Variants in CNOT6L observed in about 807,000 individuals in gnomAD.
The protein encoded by CNOT6L is CCR4-NOT transcription complex subunit 6 like.
Under a neutral mutation model 64.0 loss-of-function variants are expected in CNOT6L, and 7 were observed. The observed-to-expected ratio is 0.11, with a 90% CI of 0.06 to 0.21. The LOEUF is 0.21. Ranked by LOEUF, CNOT6L falls within the 10% of genes least tolerant of loss-of-function variation. The pLI, the probability that CNOT6L is intolerant of heterozygous loss-of-function variation, is 1.00. For synonymous variants in CNOT6L, 193 were observed against 243.4 expected, an observed-to-expected ratio of 0.79 and a Z score of 1.93; for missense variants, 245 against 669.0, an observed-to-expected ratio of 0.37 and a Z score of 6.99.
chr4:77,715,690 C>G lies in CNOT6L; in HGVS notation c.*4741G>C, dbSNP rs1720671322. The G allele has an allele frequency of 6.6e-6, 1 of 152,446 alleles. No homozygotes were observed. Among genetic ancestry groups the G allele is most frequent in the Non-Finnish European group, 1.5e-5 (1 of 67,964 alleles). 9.4% of individuals were successfully genotyped at this position (152,446 alleles called of 1,614,324 possible). ...TTCCTTACCACCTTCCTGGAAAGAA[C>G]TGCTTTTTTTTCTTTCTTTCTGTGA... On this transcript the variant is annotated 3_prime_UTR_variant, in exon 12 of 12. Coordinates refer to ENST00000504123, the MANE Select transcript of CNOT6L (RefSeq NM_144571.3).
In CNOT6L at chr4:77,720,657, G is replaced by A. The variant is rs1194047790; in HGVS notation, c.1456-14C>T. ...GTCAATCACGCCCTGGAAAGAGATT[G>A]GGAATAGGAAAAAAAGAAAAATTCA... is the stretch of plus-strand genomic sequence containing the variant. On this transcript the variant is annotated splice_polypyrimidine_tract_variant and intron_variant, in intron 11 of 11. Coordinates refer to ENST00000504123, the MANE Select transcript of CNOT6L (RefSeq NM_144571.3). 6.2e-7 allele frequency: 1 copy of A among 1,611,224 alleles called. No individual in the cohort carries two copies. Among genetic ancestry groups the A allele is most frequent in the South Asian group, 1.1e-5 (1 of 90,724 alleles).
intron 1 of CNOT6L, among the ~76,000 whole-genome samples, chr4:77,806,827 C>T (rs1053027767): frequency 4.6e-5 from 7 of 152,186 alleles, no homozygotes; most frequent in Non-Finnish European, 8.8e-5. Context: ...CTTTCCCACT[C>T]ACCACCACCC....
intron 1 of CNOT6L, among the ~76,000 whole-genome samples, chr4:77,807,276 C>CAAAAAAAAAAAAAAAAAAAAAAAAAAAAA (rs58452605): frequency 6.5e-5 from 7 of 108,188 alleles, no homozygotes; most frequent in African/African-American, 3.1e-4. Flanking sequence ...GACTCCATCT[C>CAAAAAAAAAAAAAAAAAAAAAAAAAAAAA]AAAAAAAAAA....
At chr4:77,736,856 G>A (rs1723002756) in intron 8 of CNOT6L, among the ~76,000 whole-genome samples, 1 of 151,778 alleles carries the variant, frequency 6.6e-6, no homozygotes, top group South Asian at 2.1e-4. Context: ...ATGGATAAAA[G>A]AACATATATT....
At chr4:77,764,987 T>A (rs1726664589) in intron 4 of CNOT6L, among the ~76,000 whole-genome samples, 1 of 152,140 alleles carries the variant, frequency 6.6e-6, no homozygotes, top group Non-Finnish European at 1.5e-5. Flanking sequence ...TGGGCTGCAT[T>A]TCAAGATGGT....
At chr4:77,772,697 C>G (rs959607225) in intron 4 of CNOT6L, among the ~76,000 whole-genome samples, 2 of 151,968 alleles carry the variant, frequency 1.3e-5, no homozygotes, top group African/African-American at 4.8e-5. Context: ...CCGAGGCCGG[C>G]GGATCACGAG....
intron 1 of CNOT6L, among the ~76,000 whole-genome samples, chr4:77,779,551 A>T (rs567939536): frequency 6.6e-6 from 1 of 152,226 alleles, no homozygotes; most frequent in East Asian, 1.9e-4. Context: ...CTTCCTTAAA[A>T]AAAAAAGCTC....
chr4:77,798,090 C>G (rs1560432349), intron 1 of CNOT6L, among the ~76,000 whole-genome samples: 1 of 152,052 alleles, frequency 6.6e-6, no homozygotes, highest in Non-Finnish European at 1.5e-5. Flanking sequence ...TTTTGGGAGG[C>G]CAAGGAAGGA....
chr4:77,779,117 G>C (rs981925456), intron 1 of CNOT6L, among the ~76,000 whole-genome samples: 2 of 148,520 alleles, frequency 1.3e-5, no homozygotes, highest in East Asian at 2.0e-4. Flanking sequence ...AATTTAATCT[G>C]TTTTAATCAC....
At chr4:77,722,793 G>A (rs17002797) in intron 11 of CNOT6L, among the ~76,000 whole-genome samples, 1 of 151,826 alleles carries the variant, frequency 6.6e-6, no homozygotes, top group Non-Finnish European at 1.5e-5. Context: ...CTATGAGGAG[G>A]ATCCCTAACT....
intron 5 of CNOT6L, among the ~76,000 whole-genome samples, chr4:77,755,781 A>C (rs999267837): frequency 3.3e-5 from 5 of 152,172 alleles, no homozygotes; most frequent in Non-Finnish European, 7.4e-5. Context: ...AATATAGCCA[A>C]AATGTCATCA....
At chr4:77,815,817 A>T (rs1009547175) in intron 1 of CNOT6L, among the ~76,000 whole-genome samples, 2 of 152,230 alleles carry the variant, frequency 1.3e-5, no homozygotes, top group Non-Finnish European at 2.9e-5. Flanking sequence ...CCTAAACAAC[A>T]TAAGAGGAAA....
intron 1 of CNOT6L, among the ~76,000 whole-genome samples, chr4:77,790,320 A>T (rs759060306): frequency 1.3e-5 from 2 of 152,212 alleles, no homozygotes; most frequent in Admixed American, 1.3e-4. Flanking sequence ...ACTGAAGGAC[A>T]TCTGGGTTGC....
At position 77,749,144 on chromosome 4, in the gene CNOT6L, T is replaced by C. The variant is rs372382550; in HGVS notation, c.491-760A>G. On this transcript the variant is annotated intron_variant, in intron 5 of 11. Transcript: ENST00000504123. Reference sequence around the variant, plus strand: ...CCATCTTTATCTAGCCACAGAAATTTTGACCAAAGTAGCCCAGATCTTTAA... The same window carrying C: ...CCATCTTTATCTAGCCACAGAAATTCTGACCAAAGTAGCCCAGATCTTTAA... Among the ~76,000 whole-genome samples, 28 of 152,314 alleles carry C rather than the reference T, an allele frequency of 1.8e-4. No homozygotes were observed. The East Asian group carries it at 3.1e-3, about 17-fold the overall frequency.
At chr4:77,726,924 T>C (rs1273312137) in intron 10 of CNOT6L, among the ~76,000 whole-genome samples, 2 of 152,196 alleles carry the variant, frequency 1.3e-5, no homozygotes, top group Non-Finnish European at 2.9e-5. Context: ...CTATAAAGCA[T>C]ATTATATGCC....
At chr4:77,809,014 T>C (rs1732594477) in intron 1 of CNOT6L, among the ~76,000 whole-genome samples, 1 of 152,220 alleles carries the variant, frequency 6.6e-6, no homozygotes, top group African/African-American at 2.4e-5. Flanking sequence ...TTTGGTTTTT[T>C]ACTACAGATG....
rs573588142 is a variant in CNOT6L at position 77,714,289 on chromosome 4, G to A, written c.*6142C>T. On this transcript the variant is annotated 3_prime_UTR_variant, in exon 12 of 12. Transcript: ENST00000504123. Reference sequence around the variant, plus strand: ...CTTTCCCTACTCAAAACGATAAATTGAGTGGAAAAGTAGATTGTCCCATGG... The same window carrying A: ...CTTTCCCTACTCAAAACGATAAATTAAGTGGAAAAGTAGATTGTCCCATGG... 6.6e-6 allele frequency: 1 copy of A among 152,304 alleles called. No individual in the cohort carries two copies. The highest frequency in any genetic ancestry group is 3.4e-3 in the Middle Eastern group (1 of 294). 9.4% of individuals were successfully genotyped at this position (152,304 alleles called of 1,614,324 possible).
At chr4:77,768,470 A>AAAATATATAT (rs1727112716) in intron 4 of CNOT6L, among the ~76,000 whole-genome samples, 1 of 134,404 alleles carries the variant, frequency 7.4e-6, no homozygotes, top group African/African-American at 3.0e-5. Context: ...GTCTAAAATA[A>AAAATATATAT]ATAAATATAT....
intron 3 of CNOT6L, among the ~76,000 whole-genome samples, chr4:77,774,174 C>A (rs1005045806): frequency 6.6e-6 from 1 of 152,208 alleles, no homozygotes. Flanking sequence ...TATAAATATT[C>A]TTTGACTCAT....
Sources: allele counts gnomAD v4.1 joint callset (sites outside exome capture counted in the v4.1 genomes callset), GRCh38; gene constraint gnomAD v4.1.1; transcripts MANE v1.5; gene names NCBI Gene and HGNC (gene_info 2026-07-23, HGNC 2026-07-21).